The following MPDZ variants were observed in gnomAD, a reference collection of about 807,000 sequenced individuals.
MPDZ encodes the protein multiple PDZ domain protein.
A neutral mutation model predicts 239.1 loss-of-function variants in MPDZ; 234 were observed. That is an observed-to-expected ratio of 0.98 (90% CI 0.88 to 1.09). MPDZ has a LOEUF of 1.09. MPDZ is among the 50% of genes least tolerant of loss of function. MPDZ has a pLI of 0.00. For synonymous variants in MPDZ, 1,048 were observed against 881.3 expected, an observed-to-expected ratio of 1.19 and a Z score of -3.35; for missense variants, 3,175 against 2,510.0, an observed-to-expected ratio of 1.26 and a Z score of -5.66.
intron 46 of MPDZ, among the ~76,000 whole-genome samples, chr9:13,107,721 T>C (rs529449190): frequency 1.3e-5 from 2 of 152,152 alleles, no homozygotes; most frequent in Non-Finnish European, 2.9e-5. Context: ...ATATTCCTTA[T>C]GGACCCTAAA....
chr9:13,222,529 CATTTTTAATCCT>C, intron 5 of MPDZ, 83 bp from the exon 6 acceptor site: 1 of 1,066,914 alleles, frequency 9.4e-7, no homozygotes, highest in Non-Finnish European at 1.4e-6. Context: ...ATGTTCAAGT[CATTTTTAATCCT>C]ATTTTTAATT....
chr9:13,162,191 G>C (rs10732332), intron 23 of MPDZ, among the ~76,000 whole-genome samples: 148,848 of 151,908 alleles, frequency 0.98, 73,015 homozygotes, highest in Middle Eastern at 1. Context: ...ATGAACCCAG[G>C]AGGTAGAGGC....
At chr9:13,178,741 T>C (rs1416686760) in intron 19 of MPDZ, among the ~76,000 whole-genome samples, 1 of 152,206 alleles carries the variant, frequency 6.6e-6, no homozygotes, top group Non-Finnish European at 1.5e-5. Flanking sequence ...ATAAAGTCTT[T>C]GTGATATACA....
chr9:13,278,427 G>A (rs536141031), intron 1 of MPDZ, among the ~76,000 whole-genome samples: 1 of 152,056 alleles, frequency 6.6e-6, no homozygotes, highest in East Asian at 1.9e-4. Context: ...GCCGGCGCCT[G>A]GCCACTTCTC....
intron 3 of MPDZ, among the ~76,000 whole-genome samples, chr9:13,240,036 G>A (rs1054357990): frequency 6.6e-6 from 1 of 151,930 alleles, no homozygotes; most frequent in African/African-American, 2.4e-5. Context: ...TAGTGGGGAA[G>A]GTATCAAAAT....
chr9:13,117,989 C>A (rs1410680230), intron 39 of MPDZ, among the ~76,000 whole-genome samples: 2 of 151,900 alleles, frequency 1.3e-5, no homozygotes, highest in Non-Finnish European at 2.9e-5. Context: ...GGATTACAGG[C>A]ATGCGCTACC....
At chr9:13,249,952 T>C (rs1447756302) in intron 2 of MPDZ, among the ~76,000 whole-genome samples, 1 of 152,220 alleles carries the variant, frequency 6.6e-6, no homozygotes, top group African/African-American at 2.4e-5. Flanking sequence ...TCTTTCAGTA[T>C]TAAAAATACT....
chr9:13,196,285 T>C (rs1955636544), intron 12 of MPDZ, 55 bp from the exon 13 acceptor site: 3 of 1,221,742 alleles, frequency 2.5e-6, no homozygotes, highest in Admixed American at 2.0e-5. Flanking sequence ...CTCCACATCT[T>C]AACATCCTGT....
intron 26 of MPDZ, among the ~76,000 whole-genome samples, chr9:13,146,667 A>C (rs1253553284): frequency 1.3e-5 from 2 of 151,950 alleles, no homozygotes; most frequent in Non-Finnish European, 2.9e-5. Context: ...ATGGTATGCA[A>C]TTTTTGAATG....
At chr9:13,225,583 A>G (rs907792024) in intron 3 of MPDZ, among the ~76,000 whole-genome samples, 8 of 151,898 alleles carry the variant, frequency 5.3e-5, no homozygotes, top group African/African-American at 1.9e-4. Context: ...TTACCTTTTA[A>G]CCACATTTTT....
At chr9:13,175,709 AG>A in intron 21 of MPDZ, 42 bp downstream of exon 21, 2 of 1,494,076 alleles carry the variant, frequency 1.3e-6, no homozygotes, top group Non-Finnish European at 1.8e-6. Context: ...CCCCTTGTCA[AG>A]GGGGTTGAGG....
At chr9:13,177,341 T>C (rs1952628139) in intron 19 of MPDZ, among the ~76,000 whole-genome samples, 1 of 152,154 alleles carries the variant, frequency 6.6e-6, no homozygotes, top group Non-Finnish European at 1.5e-5. Context: ...TAGAATACAA[T>C]ATGAAGAGTT....
chr9:13,193,355 TTTTTA>T (rs780945209), intron 13 of MPDZ, 42 bp from the exon 14 acceptor site: 1 of 1,555,566 alleles, frequency 6.4e-7, no homozygotes. Context: ...TTTTATATTC[TTTTTA>T]TTTTTACTCA....
intron 3 of MPDZ, among the ~76,000 whole-genome samples, chr9:13,246,788 T>G (rs957683822): frequency 4.6e-5 from 7 of 152,184 alleles, no homozygotes; most frequent in Admixed American, 6.5e-5. Flanking sequence ...AGGCAGAATA[T>G]TTGCTAGCAA....
chr9:13,229,597 C>T (rs1242740181), intron 3 of MPDZ, among the ~76,000 whole-genome samples: 1 of 150,376 alleles, frequency 6.6e-6, no homozygotes, highest in Non-Finnish European at 1.5e-5. Context: ...CACACACACA[C>T]ACACACACCC....
chr9:13,272,188 T>TAAAACAGTTA (rs970235781), intron 1 of MPDZ, among the ~76,000 whole-genome samples: 1 of 152,044 alleles, frequency 6.6e-6, no homozygotes, highest in African/African-American at 2.4e-5. Context: ...TATACCACAA[T>TAAAACAGTTA]AAAACAGTTA....
In MPDZ at chr9:13,188,944, G is replaced by C. The variant is rs1244758464; in HGVS notation, c.2204C>G (p.Pro735Arg). 2 of 1,613,354 alleles carry C rather than the reference G, an allele frequency of 1.2e-6. No individual in the cohort carries two copies. The highest frequency in any genetic ancestry group is 2.7e-5 in the African/African-American group (2 of 75,010). ...TCCATCCTTTTCAGCAATGCCGCCAGGCACCAAAGAACGAATTATAATCAC... is the reference window on the plus strand; with the variant it reads ...TCCATCCTTTTCAGCAATGCCGCCACGCACCAAAGAACGAATTATAATCAC... ...STVIIIRSLV[P>R]GGIAEKDGRL... The change falls in exon 17 of 47, where the codon CCT becomes CGT. Residue 735 changes from proline to arginine, a missense_variant. Transcript: ENST00000319217.
At chr9:13,251,688 G>A in intron 1 of MPDZ, among the ~76,000 whole-genome samples, 1 of 152,220 alleles carries the variant, frequency 6.6e-6, no homozygotes, top group South Asian at 2.1e-4. Context: ...AAAAAGGGAA[G>A]TATGTGATGT....
intron 46 of MPDZ, 62 bp downstream of exon 46, chr9:13,108,874 C>G: frequency 1.3e-6 from 2 of 1,547,002 alleles, no homozygotes; most frequent in African/African-American, 1.4e-5. Context: ...AATAAGCCAG[C>G]TGCTGACCAC....
Sources: gnomAD v4.1 joint callset for allele counts (sites outside exome capture counted in the v4.1 genomes callset) on GRCh38, gnomAD v4.1.1 for gene constraint, MANE v1.5 for transcripts, NCBI Gene and HGNC (gene_info 2026-07-23, HGNC 2026-07-21) for gene names.